The following PRDM11 variants were observed in gnomAD, a reference collection of about 807,000 sequenced individuals.
PRDM11 encodes PR/SET domain 11.
PRDM11 carries 20 observed loss-of-function variants against 97.8 expected under a neutral mutation model. The ratio of observed to expected loss-of-function variants is 0.20; its 90% CI spans 0.14 to 0.30. The LOEUF is 0.30. Among genes scored for constraint, PRDM11 ranks in the 10% least tolerant of loss-of-function variants. PRDM11 has a pLI of 1.00. For missense variants in PRDM11, 1,139 were observed against 1,555.2 expected (o/e 0.73, Z 4.50); for synonymous variants, 599 against 637.7 (o/e 0.94, Z 0.91).
intron 1 of PRDM11, among the ~76,000 whole-genome samples, chr11:45,129,582 T>C (rs181709384): frequency 5.3e-5 from 8 of 152,044 alleles, no homozygotes; most frequent in African/African-American, 9.6e-5. Flanking sequence ...CAATGAAAAA[T>C]TGCAAGATAT....
At position 45,226,451 on chromosome 11, in the gene PRDM11, TC is replaced by T; in HGVS notation, c.1828del (p.Arg610GlyfsTer7). On this transcript the variant is annotated frameshift_variant, in exon 8 of 8. Transcript: ENST00000683152. LOFTEE classifies it high-confidence loss of function. ...LALEGRPYLD[F>X]RPLAELLRKC... ...TTGGAGGGCAGGCCCTACCTGGACTTCCGGCCCCTGGCGGAGCTGCTGAGGA... is the reference window on the plus strand; with the variant it reads ...TTGGAGGGCAGGCCCTACCTGGACTTCGGCCCCTGGCGGAGCTGCTGAGGA... 1 of 1,533,994 alleles carries T rather than the reference TC, an allele frequency of 6.5e-7. No individual in the cohort carries two copies. Among genetic ancestry groups the T allele is most frequent in the Non-Finnish European group, 8.7e-7 (1 of 1,146,738 alleles).
chr11:45,182,309 C>G lies in PRDM11; in HGVS notation c.183C>G (p.Asp61Glu). Reference sequence around the variant, plus strand: ...CCAAGAAACTGAAGGGGAAGCGCGACCTCATCGTGCCCAAAAGCTTCCAGC... The same window carrying G: ...CCAAGAAACTGAAGGGGAAGCGCGAGCTCATCGTGCCCAAAAGCTTCCAGC... ...VEPKKLKGKR[D>E]LIVPKSFQQV... The change falls in exon 3 of 8, where the codon GAC (aspartate) becomes GAG (glutamate). Residue 61 changes from aspartate (D) to glutamate (E), a missense_variant. By Grantham distance (45) the Asp-to-Glu change is conservative. Transcript: ENST00000683152. 1.2e-6 allele frequency: 2 copies of G among 1,614,048 alleles called. No individual in the cohort carries two copies. Among genetic ancestry groups the G allele is most frequent in the Non-Finnish European group, 8.5e-7 (1 of 1,180,028 alleles).
chr11:45,147,102 G>A (rs1205118434), intron 1 of PRDM11, among the ~76,000 whole-genome samples: 1 of 150,006 alleles, frequency 6.7e-6, no homozygotes, highest in African/African-American at 2.4e-5. Context: ...CCCTCGGCAG[G>A]TAGCTGCCGC....
At position 45,184,889 on chromosome 11, in the gene PRDM11, G is replaced by A. The variant is rs762596456; in HGVS notation, c.486+1766G>A. 9.2e-5 allele frequency among the ~76,000 whole-genome samples: 14 copies of A among 152,226 alleles called. 1 individual carries two copies. In the Middle Eastern group the frequency reaches 0.01, roughly 111 times the overall value. On this transcript the variant is annotated intron_variant, in intron 4 of 7. Coordinates refer to ENST00000683152, the MANE Select transcript of PRDM11 (RefSeq NM_001384648.1). ...CCTAGGGAGAATGTGCTGAGTGAAA[G>A]GTGGAAAGGCCTGTGAGCAAGCTTT...
chr11:45,167,390 A>G (rs1852090017), intron 1 of PRDM11, among the ~76,000 whole-genome samples: 1 of 152,116 alleles, frequency 6.6e-6, no homozygotes, highest in Non-Finnish European at 1.5e-5. Flanking sequence ...GAGTCAATGG[A>G]TCAGCAAGAC....
Position 45,231,557 on chromosome 11 carries a change from G to A in PRDM11, c.*3398G>A, listed in dbSNP as rs1211802939. ...TTGGCATAACTGGGCTGGCTGATTA[G>A]TGACTTTCTTTGGCTCGTAGGGTTG... On this transcript the variant is annotated 3_prime_UTR_variant, in exon 8 of 8. Transcript: ENST00000683152. 2 of 152,094 alleles carry A rather than the reference G, an allele frequency of 1.3e-5. No individual in the cohort carries two copies. The highest frequency in any genetic ancestry group is 2.1e-4 in the South Asian group (1 of 4,802). The allele number at this position is 152,094 out of a possible 1,614,324, so 9.4% of individuals were successfully genotyped here. A position where few individuals can be genotyped will look rare whatever the true frequency, so the allele number is the denominator to read the frequency against.
rs1430533204 is a variant in PRDM11 at position 45,228,107 on chromosome 11, A to AG, written c.3483dup (p.Pro1162AlafsTer26). 6.5e-7 allele frequency: 1 copy of AG among 1,533,688 alleles called. No individual in the cohort carries two copies. The highest frequency in any genetic ancestry group is 8.7e-7 in the Non-Finnish European group (1 of 1,146,714). ...AGTAGGATGTCTGCGCTGGAGCAGA[A>AG]GCCAGCACTACAGACCATGGACCAC... is the stretch of plus-strand genomic sequence containing the variant. On this transcript the variant is annotated frameshift_variant, in exon 8 of 8. Transcript: ENST00000683152. LOFTEE classifies it high-confidence loss of function.
intron 1 of PRDM11, among the ~76,000 whole-genome samples, chr11:45,162,477 C>G (rs1407480594): frequency 6.6e-6 from 1 of 152,156 alleles, no homozygotes; most frequent in African/African-American, 2.4e-5. Flanking sequence ...CTGGGTCACA[C>G]CAAAGAAACT....
chr11:45,180,419 C>T (rs1565293953), intron 1 of PRDM11, among the ~76,000 whole-genome samples: 3 of 152,050 alleles, frequency 2.0e-5, no homozygotes, highest in Admixed American at 1.3e-4. Context: ...GACACCCGCC[C>T]GGCCTCCGCG....
rs1399981296 is a variant in PRDM11, at chr11:45,224,623, G to A, written c.1149G>A (p.Glu383=). 1 of 1,614,182 alleles carries A rather than the reference G, an allele frequency of 6.2e-7. No individual in the cohort carries two copies. The highest frequency in any genetic ancestry group is 8.5e-7 in the Non-Finnish European group (1 of 1,180,032). Residue 383 remains glutamate (E), a synonymous_variant, in exon 7 of 8, where the codon GAG becomes GAA. Transcript: ENST00000683152. ...CAGGCCAATTGGAGGATGAAGAAGA[G>A]GAGCCTTCATCATTCAAGGCCGACA... ...KEPGQLEDEE[E]EPSSFKADSP...
chr11:45,226,454 G>A lies in PRDM11; in HGVS notation c.1829G>A (p.Arg610Gln), dbSNP rs1446248474. Reference protein sequence around the residue: ...ALEGRPYLDFRPLAELLRKCE... With the variant: ...ALEGRPYLDFQPLAELLRKCE... ...GAGGGCAGGCCCTACCTGGACTTCC[G>A]GCCCCTGGCGGAGCTGCTGAGGAAG... is the stretch of plus-strand genomic sequence containing the variant. The change falls in exon 8 of 8, where the codon CGG becomes CAG. Residue 610 changes from arginine (R) to glutamine (Q), a missense_variant. By Grantham distance (43) the Arg-to-Gln change is conservative. Around this residue, in one of 2 missense-constraint regions of PRDM11, gnomAD observed 710 missense variants for 1,044.9 expected, o/e 0.68. Transcript: ENST00000683152. The A allele has an allele frequency of 2.9e-5, 45 of 1,533,736 alleles. No individual in the cohort carries two copies. The highest frequency in any genetic ancestry group is 2.4e-5 in the East Asian group (1 of 40,904).
chr11:45,166,640 C>A (rs1436160976), intron 1 of PRDM11, among the ~76,000 whole-genome samples: 1 of 152,262 alleles, frequency 6.6e-6, no homozygotes, highest in African/African-American at 2.4e-5. Flanking sequence ...GCACCTAGGA[C>A]AGTGCCTGGC....
intron 6 of PRDM11, among the ~76,000 whole-genome samples, chr11:45,223,596 G>A (rs566367445): frequency 1.1e-4 from 16 of 152,180 alleles, no homozygotes; most frequent in Non-Finnish European, 5.9e-5. Flanking sequence ...GCCCTTAGTC[G>A]TCAGTGAGAA....
intron 5 of PRDM11, chr11:45,209,236 G>A (rs370706342): frequency 7.4e-5 from 30 of 405,044 alleles, no homozygotes; most frequent in Middle Eastern, 3.5e-4. Flanking sequence ...CTCACGGCCC[G>A]TGCAGGGCGC....
intron 1 of PRDM11, among the ~76,000 whole-genome samples, chr11:45,178,510 G>A (rs147871342): frequency 2.5e-4 from 38 of 152,252 alleles, no homozygotes; most frequent in African/African-American, 7.5e-4. Flanking sequence ...TCTGCCTGGC[G>A]GAGATCACTG....
At chr11:45,211,609 G>A (rs1208377673) in intron 5 of PRDM11, among the ~76,000 whole-genome samples, 2 of 152,170 alleles carry the variant, frequency 1.3e-5, no homozygotes, top group African/African-American at 2.4e-5. Flanking sequence ...GGTTGCAGAG[G>A]TGGCTCTCCT....
intron 1 of PRDM11, among the ~76,000 whole-genome samples, chr11:45,099,272 G>A (rs1402080451): frequency 1.3e-5 from 2 of 152,046 alleles, no homozygotes; most frequent in African/African-American, 4.8e-5. Context: ...GGACAACACA[G>A]TGAAACGCTG....
rs894467036 is a variant in PRDM11, at chr11:45,227,586, G to C, written c.2961G>C (p.Gln987His). Residue 987 changes from glutamine to histidine, a missense_variant, in exon 8 of 8, where the codon CAG becomes CAC. Physicochemically the swap from Gln to His is conservative, Grantham distance 24. Transcript: ENST00000683152. This position sits in a 1 kb window ranked among gnomAD's most constrained non-coding sequence, Gnocchi z 8.0. ...GCCGGATCTTTGTGAAGGCCTGCCA[G>C]GTGTTTGACCTGGCTGCCTGGCCCA... ...SRSRIFVKAC[Q>H]VFDLAAWPRS... 1.3e-6 allele frequency: 2 copies of C among 1,533,910 alleles called. No individual in the cohort carries two copies. Among genetic ancestry groups the C allele is most frequent in the Admixed American group, 3.9e-5 (2 of 50,998 alleles).
At chr11:45,125,961 T>C (rs371504005) in intron 1 of PRDM11, among the ~76,000 whole-genome samples, 1 of 152,196 alleles carries the variant, frequency 6.6e-6, no homozygotes, top group East Asian at 1.9e-4. Flanking sequence ...CCCATTATTA[T>C]TGTGTGGGAG....
Sources: gnomAD v4.1 joint callset for allele counts (sites outside exome capture counted in the v4.1 genomes callset) on GRCh38, gnomAD v4.1.1 for gene constraint, gnomAD v4.1.1 regional missense constraint, Gnocchi (gnomAD v3.1) non-coding constraint, MANE v1.5 for transcripts, NCBI Gene and HGNC (gene_info 2026-07-23, HGNC 2026-07-21) for gene names.